The following MDFIC2 variants were observed in gnomAD, a reference collection of about 807,000 sequenced individuals.
MDFIC2 encodes the protein myoD family inhibitor domain-containing protein 2.
chr3:70,288,888 C>CT (rs1390338675), intron 2 of MDFIC2, among the ~76,000 whole-genome samples: 2 of 151,364 alleles, frequency 1.3e-5, no homozygotes, highest in East Asian at 2.0e-4. Context: ...CAACCCCTGC[C>CT]TTTTTTTGTT....
chr3:70,307,758 G>A (rs1009668040), intron 2 of MDFIC2, among the ~76,000 whole-genome samples: 1 of 152,086 alleles, frequency 6.6e-6, no homozygotes, highest in Non-Finnish European at 1.5e-5. Flanking sequence ...CTGTTTCTTA[G>A]TTCTTGTCCT....
Position 70,291,546 on chromosome 3 carries a change from T to G in MDFIC2, c.88+20340A>C, listed in dbSNP as rs139994751. The stretch of plus-strand genomic sequence containing the variant: ...TTATTTGGTCTTATCTCTCATCACA[T>G]TCTGAGATTCTCAGAAGGGACAATA... On this transcript the variant is annotated intron_variant, in intron 2 of 3. Coordinates refer to ENST00000567252, the MANE Select transcript of MDFIC2 (RefSeq NM_001364677.1). Among the ~76,000 whole-genome samples, 1,225 of 152,280 alleles carry G rather than the reference T, an allele frequency of 8.0e-3. 7 individuals are homozygous for G. Among genetic ancestry groups the G allele is most frequent in the Middle Eastern group, 0.041 (12 of 294 alleles).
At chr3:70,250,633 A>C (rs1475956198) in intron 2 of MDFIC2, among the ~76,000 whole-genome samples, 3 of 152,190 alleles carry the variant, frequency 2.0e-5, no homozygotes, top group African/African-American at 7.2e-5. Context: ...GTGTAATTTC[A>C]AATTACGCTG....
intron 2 of MDFIC2, among the ~76,000 whole-genome samples, chr3:70,296,842 A>G (rs1312431729): frequency 6.6e-6 from 1 of 152,024 alleles, no homozygotes; most frequent in Admixed American, 6.6e-5. Context: ...TTTAAAAGGC[A>G]TATGTAATAA....
intron 2 of MDFIC2, among the ~76,000 whole-genome samples, chr3:70,248,678 A>T (rs1701731344): frequency 6.6e-6 from 1 of 152,178 alleles, no homozygotes; most frequent in African/African-American, 2.4e-5. Context: ...CTTAAACAAG[A>T]TGTTAATTTG....
chr3:70,254,114 T>G (rs1164358002), intron 2 of MDFIC2, among the ~76,000 whole-genome samples: 1 of 148,468 alleles, frequency 6.7e-6, no homozygotes, highest in Non-Finnish European at 1.5e-5. Context: ...TTAAAATTTT[T>G]TGGTAATTGT....
At chr3:70,235,929 T>C (rs1460620721) in intron 2 of MDFIC2, among the ~76,000 whole-genome samples, 1 of 152,198 alleles carries the variant, frequency 6.6e-6, no homozygotes, top group Admixed American at 6.5e-5. Flanking sequence ...CTATGGGCAG[T>C]CACCACGCCA....
In MDFIC2 at chr3:70,233,570, G is replaced by A. The variant is rs77709630; in HGVS notation, c.89-26780C>T. On this transcript the variant is annotated intron_variant, in intron 2 of 3. Transcript: ENST00000567252. ...TTTTGACATATGTGTGCACCAAGAAGCCATCCCCACAATCAAAACAACAAA... is the reference window on the plus strand; with the variant it reads ...TTTTGACATATGTGTGCACCAAGAAACCATCCCCACAATCAAAACAACAAA... Among the ~76,000 whole-genome samples the A allele has an allele frequency of 2.3e-3, 350 of 152,240 alleles. 3 individuals are homozygous for A. Among genetic ancestry groups the A allele is most frequent in the African/African-American group, 8.2e-3 (341 of 41,538 alleles).
At chr3:70,248,877 G>C (rs762813504) in intron 2 of MDFIC2, among the ~76,000 whole-genome samples, 1 of 152,134 alleles carries the variant, frequency 6.6e-6, no homozygotes, top group South Asian at 2.1e-4. Flanking sequence ...CAATTGAAAG[G>C]ACTCACTGGA....
Position 70,195,828 on chromosome 3 carries a change from T to C in MDFIC2, c.*1098A>G, listed in dbSNP as rs934400917. Among the ~76,000 whole-genome samples, 14 of 152,248 alleles carry C rather than the reference T, an allele frequency of 9.2e-5. No homozygotes were observed. The highest frequency in any genetic ancestry group is 3.1e-4 in the African/African-American group (13 of 41,470). ...CATTCCAAAGTAACTTTAACCTAGATGTGTTTTCACCACAAACTGTTTAAA... is the reference window on the plus strand; with the variant it reads ...CATTCCAAAGTAACTTTAACCTAGACGTGTTTTCACCACAAACTGTTTAAA... On this transcript the variant is annotated 3_prime_UTR_variant, in exon 4 of 4. Transcript: ENST00000567252.
intron 2 of MDFIC2, among the ~76,000 whole-genome samples, chr3:70,303,199 G>A (rs2106703286): frequency 6.6e-6 from 1 of 152,212 alleles, no homozygotes; most frequent in East Asian, 1.9e-4. Flanking sequence ...TAGACATTAT[G>A]TTGGGGCCAC....
intron 2 of MDFIC2, among the ~76,000 whole-genome samples, chr3:70,232,163 G>A (rs968639775): frequency 2.6e-5 from 4 of 152,130 alleles, no homozygotes; most frequent in Non-Finnish European, 5.9e-5. Flanking sequence ...CCGTACACTC[G>A]ACACACTTGG....
intron 2 of MDFIC2, chr3:70,283,569 C>T (rs973278149): frequency 2.6e-5 from 4 of 152,024 alleles, no homozygotes; most frequent in East Asian, 1.9e-4. Context: ...CCTCTGTTAC[C>T]TCATCTATAC....
intron 2 of MDFIC2, chr3:70,283,781 A>T (rs1702112682): frequency 6.6e-6 from 1 of 151,278 alleles, no homozygotes; most frequent in Admixed American, 6.6e-5. Flanking sequence ...TTGTAAAAAA[A>T]AAAAGAGAGA....
chr3:70,300,770 G>A (rs1445106215), intron 2 of MDFIC2, among the ~76,000 whole-genome samples: 1 of 152,066 alleles, frequency 6.6e-6, no homozygotes, highest in African/African-American at 2.4e-5. Context: ...TTGACCTAGA[G>A]TTCAGTGGCC....
intron 2 of MDFIC2, among the ~76,000 whole-genome samples, chr3:70,303,162 A>G (rs1702366452): frequency 6.6e-6 from 1 of 152,212 alleles, no homozygotes; most frequent in Non-Finnish European, 1.5e-5. Context: ...GGAGAAGAGC[A>G]TGGGTCATTG....
chr3:70,267,801 G>A (rs2106668161), intron 2 of MDFIC2, among the ~76,000 whole-genome samples: 1 of 152,012 alleles, frequency 6.6e-6, no homozygotes, highest in Non-Finnish European at 1.5e-5. Context: ...TTGTTTTTAG[G>A]AAACAAGTTT....
At chr3:70,205,085 A>G (rs1446390340) in intron 3 of MDFIC2, 2 of 152,130 alleles carry the variant, frequency 1.3e-5, no homozygotes, top group East Asian at 3.9e-4. Context: ...AAGTTGGCCC[A>G]ACGATGTGTT....
intron 2 of MDFIC2, among the ~76,000 whole-genome samples, chr3:70,259,763 C>G (rs370998467): frequency 6.6e-6 from 1 of 152,142 alleles, no homozygotes; most frequent in South Asian, 2.1e-4. Flanking sequence ...TGTTTTCATA[C>G]CGGTATAAAA....
Sources: allele counts gnomAD v4.1 joint callset (sites outside exome capture counted in the v4.1 genomes callset), GRCh38; gene constraint gnomAD v4.1.1; transcripts MANE v1.5; gene names NCBI Gene and HGNC (gene_info 2026-07-23, HGNC 2026-07-21).